The following SERPINB8 variants were observed in gnomAD, a reference collection of about 807,000 sequenced individuals.
The protein encoded by SERPINB8 is serpin family B member 8.
In SERPINB8, 25 loss-of-function variants were observed where a neutral mutation model predicts 35.3. The ratio of observed to expected loss-of-function variants is 0.71; its 90% CI spans 0.52 to 0.99. The LOEUF is 0.99. SERPINB8 is among the 50% of genes least tolerant of loss of function. The pLI, the probability that SERPINB8 is intolerant of heterozygous loss-of-function variation, is 0.00. For missense variants in SERPINB8, 484 were observed against 446.5 expected (o/e 1.08, Z -0.76); for synonymous variants, 186 against 160.8 (o/e 1.16, Z -1.19).
At position 63,983,677 on chromosome 18, in the gene SERPINB8, T is replaced by G. The variant is rs758048811; in HGVS notation, c.523T>G (p.Phe175Val). The G allele has an allele frequency of 1.9e-5, 30 of 1,613,868 alleles. No individual in the cohort carries two copies. The East Asian group carries it at 6.0e-4, about 32-fold the overall frequency. Reference protein sequence around the residue: ...IYFKGKWNEQFDRKYTRGMLF... With the variant: ...IYFKGKWNEQVDRKYTRGMLF... Reference sequence around the variant, plus strand: ...TTTCAAGGGAAAGTGGAATGAGCAATTTGACAGAAAGTACACAAGGGGAAT... The same window carrying G: ...TTTCAAGGGAAAGTGGAATGAGCAAGTTGACAGAAAGTACACAAGGGGAAT... Residue 175 changes from phenylalanine to valine, a missense_variant, in exon 5 of 7, where the codon TTT (phenylalanine) becomes GTT (valine). Transcript: ENST00000397985.
chr18:63,976,190 T>C (rs904355637), intron 1 of SERPINB8, among the ~76,000 whole-genome samples: 1 of 152,196 alleles, frequency 6.6e-6, no homozygotes, highest in Non-Finnish European at 1.5e-5. Flanking sequence ...GATCATGAGA[T>C]TATAGATAAT....
intron 1 of SERPINB8, among the ~76,000 whole-genome samples, chr18:64,002,903 C>T (rs1276333458): frequency 1.3e-5 from 2 of 152,214 alleles, no homozygotes; most frequent in East Asian, 1.9e-4. Flanking sequence ...AGGCAGAAGG[C>T]CCCCAAGCCG....
intron 1 of SERPINB8, among the ~76,000 whole-genome samples, chr18:63,977,543 G>A (rs1338617137): frequency 6.6e-6 from 1 of 152,106 alleles, no homozygotes; most frequent in Admixed American, 6.5e-5. Context: ...GGCCAGGCTG[G>A]TCTCGAACTG....
rs2050441598 is a variant in SERPINB8 at position 63,970,172 on chromosome 18, TG to T, written c.-11+7del. ...CGGCAGCAGCAGCAGCAGCAGGAGG[TG>T]GGGGCCTCTGCCAGGTACCGGGCGG... On this transcript the variant is annotated splice_donor_region_variant and intron_variant, in intron 1 of 6. Transcript: ENST00000397985. The T allele has an allele frequency of 5.9e-6, 2 of 337,290 alleles. No individual in the cohort carries two copies. Among genetic ancestry groups the T allele is most frequent in the African/African-American group, 2.3e-5 (1 of 43,988 alleles). 20.9% of individuals were successfully genotyped at this position (337,290 alleles called of 1,614,324 possible).
intron 1 of SERPINB8, among the ~76,000 whole-genome samples, chr18:64,004,262 T>A (rs962762193): frequency 2.0e-5 from 3 of 152,144 alleles, no homozygotes; most frequent in African/African-American, 4.8e-5. Flanking sequence ...CACTTGTCAT[T>A]AAGTTAAAAA....
intron 1 of SERPINB8, among the ~76,000 whole-genome samples, chr18:63,994,925 G>C (rs555339395): frequency 2.5e-4 from 38 of 152,060 alleles, no homozygotes; most frequent in African/African-American, 9.2e-4. Flanking sequence ...GGAAAGAGTG[G>C]CTGCTTCCAA....
intron 3 of SERPINB8, among the ~76,000 whole-genome samples, chr18:63,981,126 C>T (rs73961855): frequency 0.051 from 7,750 of 152,298 alleles, 671 homozygotes; most frequent in African/African-American, 0.17. Flanking sequence ...GATGTTCACA[C>T]GCATGCACAC....
chr18:63,982,957 A>G (rs534446864), intron 4 of SERPINB8, among the ~76,000 whole-genome samples: 1 of 145,672 alleles, frequency 6.9e-6, no homozygotes, highest in South Asian at 2.2e-4. Context: ...GCCTTCTCCC[A>G]TTGACAGATC....
At chr18:63,990,413 A>G (rs2050818685), downstream of SERPINB8, among the ~76,000 whole-genome samples, 1 of 151,784 alleles carries the variant, frequency 6.6e-6, no homozygotes. Flanking sequence ...ATCTCGTGAT[A>G]TGGCTACCAA....
intron 1 of SERPINB8, among the ~76,000 whole-genome samples, chr18:63,994,507 G>A (rs1019103864): frequency 1.3e-5 from 2 of 152,176 alleles, no homozygotes; most frequent in African/African-American, 4.8e-5. Flanking sequence ...GCCATGCCAC[G>A]GGGTGTCTGG....
At chr18:63,981,428 G>A (rs2144807518) in intron 3 of SERPINB8, among the ~76,000 whole-genome samples, 1 of 152,316 alleles carries the variant, frequency 6.6e-6, no homozygotes, top group South Asian at 2.1e-4. Context: ...CGTTTGACAA[G>A]GATGCTCCTG....
In SERPINB8 at chr18:63,979,909, T is replaced by C; in HGVS notation, c.277T>C (p.Phe93Leu). 1 of 1,614,134 alleles carries C rather than the reference T, an allele frequency of 6.2e-7. No homozygotes were observed. The highest frequency in any genetic ancestry group is 8.5e-7 in the Non-Finnish European group (1 of 1,179,992). The change falls in exon 3 of 7, where the codon TTT becomes CTT. Residue 93 changes from phenylalanine to leucine, a missense_variant. Phe to Leu is a conservative substitution (Grantham distance 22). Transcript: ENST00000397985. ...QYLLRTANRLFGEKTCDFLPD... is the reference protein window; with the variant it reads ...QYLLRTANRLLGEKTCDFLPD... Reference sequence around the variant, plus strand: ...CTTGCTTAGAACTGCCAACAGACTCTTTGGAGAAAAGACGTGTGATTTCCT... The same window carrying C: ...CTTGCTTAGAACTGCCAACAGACTCCTTGGAGAAAAGACGTGTGATTTCCT...
At chr18:64,007,676 A>G (rs11662394), downstream of SERPINB8, among the ~76,000 whole-genome samples, 70,345 of 152,004 alleles carry the variant, frequency 0.46, 17,590 homozygotes, top group East Asian at 0.69. Context: ...CATGTCTTAC[A>G]TGGTTGGAGC....
downstream of SERPINB8, among the ~76,000 whole-genome samples, chr18:64,009,629 AT>A (rs1306383983): frequency 2.0e-5 from 3 of 152,200 alleles, no homozygotes; most frequent in African/African-American, 7.2e-5. Context: ...GGGAAAACTG[AT>A]TTTTCTTATG....
intron 1 of SERPINB8, among the ~76,000 whole-genome samples, chr18:63,977,700 G>A (rs117719395): frequency 0.021 from 3,249 of 152,250 alleles, 49 homozygotes; most frequent in Non-Finnish European, 0.029. Context: ...CTGTGCCCCT[G>A]TTGCTAAGAG....
intron 1 of SERPINB8, chr18:63,970,457 A>G: frequency 1.3e-5 from 2 of 157,352 alleles, no homozygotes; most frequent in Non-Finnish European, 2.8e-5. Context: ...GTGCGCCCAG[A>G]CCCGCCCTGA....
At chr18:63,984,384 C>A (rs1442988105) in intron 5 of SERPINB8, among the ~76,000 whole-genome samples, 2 of 152,176 alleles carry the variant, frequency 1.3e-5, no homozygotes, top group Non-Finnish European at 2.9e-5. Context: ...TCAGTGGCAA[C>A]TATGCCTATT....
At chr18:63,996,314 A>T (rs1310226849) in intron 1 of SERPINB8, among the ~76,000 whole-genome samples, 1 of 152,132 alleles carries the variant, frequency 6.6e-6, no homozygotes, top group African/African-American at 2.4e-5. Context: ...GTACCTGGTG[A>T]TCCTCTGTCT....
chr18:64,004,488 T>A (rs1295185507), intron 1 of SERPINB8, among the ~76,000 whole-genome samples: 1 of 152,214 alleles, frequency 6.6e-6, no homozygotes, highest in Non-Finnish European at 1.5e-5. Flanking sequence ...TAAAATTCAC[T>A]TACTAATCTG....
Sources: allele counts gnomAD v4.1 joint callset (sites outside exome capture counted in the v4.1 genomes callset), GRCh38; gene constraint gnomAD v4.1.1; transcripts MANE v1.5; gene names NCBI Gene and HGNC (gene_info 2026-07-23, HGNC 2026-07-21).